Variants in TSHZ2 observed in about 807,000 individuals in gnomAD.
TSHZ2 encodes the protein teashirt homolog 2.
A neutral mutation model predicts 74.4 loss-of-function variants in TSHZ2; 21 were observed. That is an observed-to-expected ratio of 0.28 (90% confidence interval 0.20 to 0.41). The LOEUF is 0.41. TSHZ2 is among the 10% of genes least tolerant of loss of function. The pLI is 1.00. For missense variants in TSHZ2, 1,244 were observed against 1,293.5 expected, an observed-to-expected ratio of 0.96 and a Z score of 0.59; for synonymous variants, 540 against 515.3, an observed-to-expected ratio of 1.05 and a Z score of -0.65.
intron 2 of TSHZ2, among the ~76,000 whole-genome samples, chr20:53,331,270 T>C (rs979926408): frequency 3.9e-5 from 6 of 152,326 alleles, no homozygotes; most frequent in South Asian, 2.1e-4. Flanking sequence ...GAGAAATTTA[T>C]AGGGCAGCTT....
intron 1 of TSHZ2, among the ~76,000 whole-genome samples, chr20:53,023,671 A>G (rs1014157452): frequency 6.6e-6 from 1 of 150,988 alleles, no homozygotes; most frequent in Non-Finnish European, 1.5e-5. Flanking sequence ...TCATGTTTCA[A>G]ATACCATTTT....
intron 1 of TSHZ2, among the ~76,000 whole-genome samples, chr20:52,996,948 A>G (rs1248341038): frequency 1.3e-5 from 2 of 152,198 alleles, no homozygotes; most frequent in Non-Finnish European, 2.9e-5. Flanking sequence ...ATTATGCTTA[A>G]TAGGAGCCAC....
intron 2 of TSHZ2, among the ~76,000 whole-genome samples, chr20:53,327,896 G>C (rs994677137): frequency 6.6e-6 from 1 of 152,226 alleles, no homozygotes; most frequent in Non-Finnish European, 1.5e-5. Context: ...GCCACACGGA[G>C]AGCAGCAAGG....
chr20:53,161,693 A>G (rs538054060), intron 1 of TSHZ2, among the ~76,000 whole-genome samples: 4 of 152,198 alleles, frequency 2.6e-5, no homozygotes, highest in Non-Finnish European at 4.4e-5. Flanking sequence ...TGAGAACAGC[A>G]TGAAGGAATC....
intron 1 of TSHZ2, among the ~76,000 whole-genome samples, chr20:53,098,965 A>T (rs1337970117): frequency 6.6e-6 from 1 of 152,162 alleles, no homozygotes; most frequent in African/African-American, 2.4e-5. Flanking sequence ...GCATATTTTC[A>T]TATGGTTAAG....
chr20:53,204,796 T>A (rs1989123095), intron 1 of TSHZ2, among the ~76,000 whole-genome samples: 2 of 152,088 alleles, frequency 1.3e-5, no homozygotes, highest in Non-Finnish European at 2.9e-5. Flanking sequence ...GCTAAGTAAC[T>A]TGTGGCCGGG....
chr20:53,025,013 T>C (rs1403125055), intron 1 of TSHZ2, among the ~76,000 whole-genome samples: 2 of 152,160 alleles, frequency 1.3e-5, no homozygotes, highest in Admixed American at 6.5e-5. Context: ...CCCTAAAATA[T>C]GTATATCGTG....
intron 2 of TSHZ2, among the ~76,000 whole-genome samples, chr20:53,434,424 C>T (rs1983965707): frequency 6.6e-6 from 1 of 152,032 alleles, no homozygotes; most frequent in Admixed American, 6.6e-5. Context: ...ATAAGGGAGA[C>T]AAGAGTAACT....
At chr20:53,455,390 T>C (rs1985018612) in intron 2 of TSHZ2, 1 of 152,116 alleles carries the variant, frequency 6.6e-6, no homozygotes, top group Non-Finnish European at 1.5e-5. Flanking sequence ...TACCCAGTAA[T>C]GGGCCTGAAG....
intron 2 of TSHZ2, among the ~76,000 whole-genome samples, chr20:53,437,590 G>A (rs1043541861): frequency 1.3e-5 from 2 of 152,236 alleles, no homozygotes; most frequent in African/African-American, 4.8e-5. Context: ...GGCAATGCTA[G>A]ATCCAGTGCT....
chr20:53,300,172 C>T (rs1160331840), intron 2 of TSHZ2, among the ~76,000 whole-genome samples: 4 of 152,114 alleles, frequency 2.6e-5, no homozygotes, highest in Admixed American at 1.3e-4. Context: ...TTCCCACAGA[C>T]GTTCACATTT....
intron 1 of TSHZ2, among the ~76,000 whole-genome samples, chr20:53,230,747 C>T (rs1989805152): frequency 6.6e-6 from 1 of 152,052 alleles, no homozygotes; most frequent in East Asian, 1.9e-4. Flanking sequence ...AAAAAATTAG[C>T]TGGGCGTGGT....
intron 1 of TSHZ2, among the ~76,000 whole-genome samples, chr20:53,059,920 A>C (rs1400740959): frequency 2.0e-5 from 3 of 152,198 alleles, no homozygotes; most frequent in Admixed American, 6.5e-5. Context: ...CCCTAGCTTC[A>C]TGACATTTGC....
chr20:53,437,643 G>A (rs960051043), intron 2 of TSHZ2, among the ~76,000 whole-genome samples: 2 of 152,192 alleles, frequency 1.3e-5, no homozygotes, highest in Admixed American at 6.5e-5. Context: ...ACCCGACATG[G>A]TTTGGATCTT....
intron 2 of TSHZ2, among the ~76,000 whole-genome samples, chr20:53,264,922 T>C (rs558394963): frequency 2.6e-5 from 4 of 152,208 alleles, no homozygotes; most frequent in South Asian, 2.1e-4. Flanking sequence ...GAAGGCCTCA[T>C]TGGGAGAATC....
chr20:53,065,548 C>T (rs1464040765), intron 1 of TSHZ2, among the ~76,000 whole-genome samples: 2 of 152,206 alleles, frequency 1.3e-5, no homozygotes, highest in Admixed American at 6.5e-5. Context: ...CAGAACAAGG[C>T]ATGTGGCTGA....
chr20:53,333,117 C>G (rs1195088386), intron 2 of TSHZ2, among the ~76,000 whole-genome samples: 1 of 152,232 alleles, frequency 6.6e-6, no homozygotes, highest in Non-Finnish European at 1.5e-5. Flanking sequence ...GTCCTGCTCA[C>G]TCTTATATTA....
chr20:52,977,911 G>A (rs1177019909), intron 1 of TSHZ2, among the ~76,000 whole-genome samples: 3 of 152,050 alleles, frequency 2.0e-5, no homozygotes, highest in Admixed American at 6.5e-5. Flanking sequence ...TTTGGGGAGG[G>A]GAGAAACATT....
At chr20:53,076,566 C>T (rs1016526514) in intron 1 of TSHZ2, among the ~76,000 whole-genome samples, 12 of 152,112 alleles carry the variant, frequency 7.9e-5, no homozygotes, top group Admixed American at 2.6e-4. Flanking sequence ...AGGTCCTGAC[C>T]CAGTCTGAAG....
Sources: gnomAD v4.1 joint callset for allele counts (sites outside exome capture counted in the v4.1 genomes callset) on GRCh38, gnomAD v4.1.1 for gene constraint, MANE v1.5 for transcripts, NCBI Gene and HGNC (gene_info 2026-07-23, HGNC 2026-07-21) for gene names.